Variants in PTPRK observed in about 807,000 individuals in gnomAD.
PTPRK encodes the protein protein tyrosine phosphatase receptor type K, also known as receptor-type tyrosine-protein phosphatase kappa.
PTPRK carries 75 observed loss-of-function variants against 178.0 expected under a neutral mutation model. That is an observed-to-expected ratio of 0.42 (90% CI 0.35 to 0.51). The LOEUF is 0.51. Among genes scored for constraint, PTPRK ranks in the 20% least tolerant of loss-of-function variants. PTPRK has a pLI of 0.02. For synonymous variants in PTPRK, 637 were observed against 620.6 expected, an observed-to-expected ratio of 1.03 and a Z score of -0.39; for missense variants, 1,441 against 1,797.8, an observed-to-expected ratio of 0.80 and a Z score of 3.59.
chr6:127,990,992 A>G lies in PTPRK; in HGVS notation c.2980-107T>C. ...CTTGTCACAATTAAAACTCAGTTTA[A>G]AAATCTATAAATGAGAAAAAAATCT... On this transcript the variant is annotated intron_variant, in intron 20 of 29. Coordinates refer to ENST00000368226, the MANE Select transcript of PTPRK (RefSeq NM_002844.4). 4.2e-6 allele frequency: 3 copies of G among 719,890 alleles called. No individual in the cohort carries two copies. The South Asian group carries it at 6.5e-5, about 16-fold the overall frequency. The allele number at this position is 719,890 out of a possible 1,614,324, so 44.6% of individuals were successfully genotyped here.
At chr6:128,275,497 C>T (rs1274028955) in intron 3 of PTPRK, among the ~76,000 whole-genome samples, 1 of 151,772 alleles carries the variant, frequency 6.6e-6, no homozygotes, top group Non-Finnish European at 1.5e-5. Context: ...GTCTATTTGG[C>T]TCTAAAGAAA....
chr6:128,444,159 C>G (rs1846644732), intron 1 of PTPRK, among the ~76,000 whole-genome samples: 1 of 152,158 alleles, frequency 6.6e-6, no homozygotes, highest in Non-Finnish European at 1.5e-5. Flanking sequence ...CCTTCCTAGA[C>G]CAGAATTTAT....
intron 1 of PTPRK, among the ~76,000 whole-genome samples, chr6:128,428,125 T>C (rs1441117168): frequency 6.6e-6 from 1 of 152,064 alleles, no homozygotes; most frequent in African/African-American, 2.4e-5. Flanking sequence ...GGCATCATCC[T>C]TTCCATGTAC....
At chr6:127,982,238 A>C (rs1001166541) in intron 24 of PTPRK, among the ~76,000 whole-genome samples, 5 of 152,064 alleles carry the variant, frequency 3.3e-5, no homozygotes, top group Admixed American at 6.6e-5. Flanking sequence ...TACACACTAA[A>C]TACACACAAA....
At chr6:128,186,214 C>T (rs1448032864) in intron 6 of PTPRK, among the ~76,000 whole-genome samples, 60 of 152,044 alleles carry the variant, frequency 3.9e-4, no homozygotes, top group Non-Finnish European at 1.0e-4. Flanking sequence ...TTATTTTAAA[C>T]TGAAATTTAT....
intron 13 of PTPRK, chr6:128,062,786 C>G (rs955735410): frequency 6.6e-6 from 1 of 152,508 alleles, no homozygotes; most frequent in Middle Eastern, 3.4e-3. Context: ...TTAAGCGATG[C>G]TCTCGCTTCA....
intron 3 of PTPRK, among the ~76,000 whole-genome samples, chr6:128,302,212 C>A (rs1490815539): frequency 6.6e-6 from 1 of 151,662 alleles, no homozygotes; most frequent in African/African-American, 2.4e-5. Context: ...CATGGTGAAA[C>A]CCCGTCTCTA....
intron 6 of PTPRK, among the ~76,000 whole-genome samples, chr6:128,203,890 T>C (rs1178063819): frequency 6.6e-6 from 1 of 152,072 alleles, no homozygotes; most frequent in Non-Finnish European, 1.5e-5. Context: ...ATTAGACTAC[T>C]ATTGATGTTC....
chr6:128,512,310 A>T (rs150443361), intron 1 of PTPRK, among the ~76,000 whole-genome samples: 22 of 152,358 alleles, frequency 1.4e-4, no homozygotes, highest in African/African-American at 5.1e-4. Flanking sequence ...TTTTATTTAC[A>T]GTATCAAAAA....
Position 128,089,667 on chromosome 6 carries a change from T to A in PTPRK, c.1465+23A>T, listed in dbSNP as rs1253250280. On this transcript the variant is annotated intron_variant, in intron 8 of 29. Transcript: ENST00000368226. ...TTCTTGTTAGAGAATTCCCCCCTTT[T>A]AAACAGCAAAGTATGAGCATACCAT... is the stretch of plus-strand genomic sequence containing the variant. The A allele has an allele frequency of 1.9e-6, 3 of 1,575,794 alleles. No individual in the cohort carries two copies. In the South Asian group the frequency reaches 3.3e-5, roughly 17 times the overall value.
At chr6:128,321,454 G>C (rs1422515745) in intron 3 of PTPRK, 3 of 239,738 alleles carry the variant, frequency 1.3e-5, no homozygotes, top group Non-Finnish European at 2.4e-5. Flanking sequence ...AATCATTTCT[G>C]AAACAAACAT....
chr6:128,091,684 C>T (rs780810707), intron 7 of PTPRK, among the ~76,000 whole-genome samples: 6 of 151,986 alleles, frequency 3.9e-5, no homozygotes, highest in Non-Finnish European at 5.9e-5. Flanking sequence ...ATTTAACCCG[C>T]TAATTCTTTA....
chr6:128,371,364 A>G (rs923628347), intron 2 of PTPRK, among the ~76,000 whole-genome samples: 1 of 152,240 alleles, frequency 6.6e-6, no homozygotes, highest in African/African-American at 2.4e-5. Context: ...ATAGCTTGTT[A>G]GCATATGATA....
intron 1 of PTPRK, among the ~76,000 whole-genome samples, chr6:128,445,442 A>AG (rs1478879135): frequency 2.7e-5 from 4 of 149,736 alleles, no homozygotes; most frequent in African/African-American, 9.8e-5. Flanking sequence ...CTATTGTATT[A>AG]GTCCCTTTTC....
chr6:128,170,468 CTATT>C (rs972936286), intron 7 of PTPRK, among the ~76,000 whole-genome samples: 6 of 151,950 alleles, frequency 3.9e-5, no homozygotes, highest in Non-Finnish European at 8.8e-5. Flanking sequence ...TTAAAGAAAA[CTATT>C]CATTTGAACT....
chr6:128,104,397 T>A (rs1789325364), intron 7 of PTPRK, among the ~76,000 whole-genome samples: 1 of 152,160 alleles, frequency 6.6e-6, no homozygotes, highest in South Asian at 2.1e-4. Context: ...GGGCTTTTTG[T>A]ATTTTTAGTA....
intron 3 of PTPRK, among the ~76,000 whole-genome samples, chr6:128,297,665 C>A (rs1023664664): frequency 1.4e-4 from 22 of 152,276 alleles, no homozygotes; most frequent in East Asian, 5.8e-4. Context: ...TAAAGATGTT[C>A]TTTGAAACCA....
At chr6:128,247,789 G>A (rs1207849338) in intron 3 of PTPRK, among the ~76,000 whole-genome samples, 5 of 152,114 alleles carry the variant, frequency 3.3e-5, no homozygotes, top group Non-Finnish European at 7.4e-5. Flanking sequence ...CCACTTTTAT[G>A]AGCAGAAAAT....
At chr6:128,306,429 G>C (rs1426590249) in intron 3 of PTPRK, among the ~76,000 whole-genome samples, 2 of 152,254 alleles carry the variant, frequency 1.3e-5, no homozygotes, top group East Asian at 1.9e-4. Flanking sequence ...ACTGGGGCTA[G>C]ACAAGAAACA....
Sources: gnomAD v4.1 joint callset for allele counts (sites outside exome capture counted in the v4.1 genomes callset) on GRCh38, gnomAD v4.1.1 for gene constraint, MANE v1.5 for transcripts, NCBI Gene and HGNC (gene_info 2026-07-23, HGNC 2026-07-21) for gene names.